The following FHOD3 variants were observed in gnomAD, a reference collection of about 807,000 sequenced individuals.
The protein encoded by FHOD3 is formin homology 2 domain containing 3.
Under a neutral mutation model 173.0 loss-of-function variants are expected in FHOD3, and 90 were observed. That is an observed-to-expected ratio of 0.52 (90% CI 0.44 to 0.62). The LOEUF is 0.62. Ranked by LOEUF, FHOD3 falls within the 20% of genes least tolerant of loss-of-function variation. FHOD3 has a pLI of 0.00. For synonymous variants in FHOD3, 828 were observed against 823.0 expected, an observed-to-expected ratio of 1.01 and a Z score of -0.10; for missense variants, 1,945 against 2,034.7, an observed-to-expected ratio of 0.96 and a Z score of 0.85.
chr18:36,720,719 TC>T (rs1268546988), intron 19 of FHOD3, among the ~76,000 whole-genome samples: 4 of 133,372 alleles, frequency 3.0e-5, no homozygotes, highest in East Asian at 2.1e-4. Flanking sequence ...CTCCTCCTTC[TC>T]TTCCTCCTTC....
At chr18:36,440,042 T>G (rs2051045967) in intron 3 of FHOD3, among the ~76,000 whole-genome samples, 1 of 152,158 alleles carries the variant, frequency 6.6e-6, no homozygotes, top group Non-Finnish European at 1.5e-5. Flanking sequence ...CTTAGCCCAG[T>G]CAAGTTGACA....
chr18:36,607,051 T>A (rs550871863), intron 8 of FHOD3, among the ~76,000 whole-genome samples: 2 of 152,108 alleles, frequency 1.3e-5, no homozygotes, highest in African/African-American at 4.8e-5. Flanking sequence ...GCGGGCTGGA[T>A]TGCACACTGG....
intron 5 of FHOD3, among the ~76,000 whole-genome samples, chr18:36,553,147 C>T (rs1425803263): frequency 6.6e-6 from 1 of 152,180 alleles, no homozygotes; most frequent in African/African-American, 2.4e-5. Context: ...GTTGAACCAG[C>T]CTTGCATCCC....
At chr18:36,625,231 C>T (rs1793656494) in intron 9 of FHOD3, among the ~76,000 whole-genome samples, 1 of 152,082 alleles carries the variant, frequency 6.6e-6, no homozygotes, top group Admixed American at 6.6e-5. Flanking sequence ...AGGTCCTATC[C>T]GATTACAAAA....
chr18:36,716,805 G>A (rs889765917), intron 18 of FHOD3, among the ~76,000 whole-genome samples: 1 of 152,202 alleles, frequency 6.6e-6, no homozygotes, highest in African/African-American at 2.4e-5. Flanking sequence ...AGTGGGCAAA[G>A]CAACTCTTAT....
intron 3 of FHOD3, among the ~76,000 whole-genome samples, chr18:36,460,264 C>G (rs1207626869): frequency 6.6e-6 from 1 of 152,134 alleles, no homozygotes; most frequent in Non-Finnish European, 1.5e-5. Context: ...ATACGCAGCC[C>G]AAAATCAAGG....
chr18:36,327,675 C>T (rs188992189), intron 1 of FHOD3, among the ~76,000 whole-genome samples: 1 of 152,348 alleles, frequency 6.6e-6, no homozygotes, highest in Non-Finnish European at 1.5e-5. Flanking sequence ...CGGTTTGAAC[C>T]TCCTGGAAGG....
intron 5 of FHOD3, among the ~76,000 whole-genome samples, chr18:36,540,008 T>A (rs2057143384): frequency 6.6e-6 from 1 of 152,194 alleles, no homozygotes; most frequent in South Asian, 2.1e-4. Flanking sequence ...TGTATTTAAA[T>A]CATGATCCCT....
chr18:36,609,850 A>G (rs1325202361), intron 8 of FHOD3, among the ~76,000 whole-genome samples: 1 of 152,068 alleles, frequency 6.6e-6, no homozygotes, highest in Non-Finnish European at 1.5e-5. Flanking sequence ...GCCTCAAGTG[A>G]TCCACCTGCC....
intron 14 of FHOD3, among the ~76,000 whole-genome samples, chr18:36,665,581 T>TG (rs937465380): frequency 4.3e-5 from 6 of 140,374 alleles, no homozygotes; most frequent in East Asian, 2.2e-4. Context: ...ATTGGCCTGG[T>TG]GGGGGGGCAG....
chr18:36,744,258 T>C (rs1276768960), intron 23 of FHOD3, 65 bp downstream of exon 23: 74 of 1,539,404 alleles, frequency 4.8e-5, no homozygotes, highest in African/African-American at 6.9e-5. Flanking sequence ...TTATCGGTCA[T>C]CCTCGAGGAA....
chr18:36,648,811 A>G (rs2035856445), intron 10 of FHOD3, among the ~76,000 whole-genome samples: 1 of 152,166 alleles, frequency 6.6e-6, no homozygotes, highest in South Asian at 2.1e-4. Flanking sequence ...GCATACCAAA[A>G]CCATAGGTCC....
At chr18:36,688,033 A>T (rs1481133004) in intron 16 of FHOD3, among the ~76,000 whole-genome samples, 1 of 152,266 alleles carries the variant, frequency 6.6e-6, no homozygotes, top group African/African-American at 2.4e-5. Context: ...AGAGCAGCTC[A>T]AAACTCTGGT....
intron 20 of FHOD3, among the ~76,000 whole-genome samples, chr18:36,737,972 C>T (rs554616756): frequency 1.3e-5 from 2 of 152,322 alleles, no homozygotes; most frequent in Admixed American, 6.5e-5. Flanking sequence ...CAACAAAACT[C>T]TTGTGTTGCC....
chr18:36,661,634 T>G (rs1276759060), intron 14 of FHOD3, among the ~76,000 whole-genome samples: 1 of 152,174 alleles, frequency 6.6e-6, no homozygotes, highest in Non-Finnish European at 1.5e-5. Flanking sequence ...CTCGGCCCAC[T>G]TTGGAAATGC....
At chr18:36,482,822 A>AAC (rs1202251220) in intron 3 of FHOD3, among the ~76,000 whole-genome samples, 3,422 of 92,308 alleles carry the variant, frequency 0.037, 77 homozygotes, top group African/African-American at 0.047. Flanking sequence ...CCGGTGAACA[A>AAC]ACACACACAC....
chr18:36,593,170 A>G (rs1213062954), intron 6 of FHOD3, among the ~76,000 whole-genome samples: 1 of 152,204 alleles, frequency 6.6e-6, no homozygotes, highest in Non-Finnish European at 1.5e-5. Flanking sequence ...GAGTTGAGCA[A>G]AAATGGGCAG....
At chr18:36,426,200 G>A (rs753042890) in intron 3 of FHOD3, among the ~76,000 whole-genome samples, 41 of 152,068 alleles carry the variant, frequency 2.7e-4, no homozygotes, top group Non-Finnish European at 5.6e-4. Flanking sequence ...CACCGCGCCC[G>A]GCCTTCACAC....
intron 3 of FHOD3, among the ~76,000 whole-genome samples, chr18:36,490,950 C>T (rs1036961992): frequency 7.9e-5 from 12 of 152,296 alleles, no homozygotes; most frequent in Middle Eastern, 3.4e-3. Flanking sequence ...TATGGAATCC[C>T]GGGTTAACTC....
Sources: allele counts gnomAD v4.1 joint callset (sites outside exome capture counted in the v4.1 genomes callset), GRCh38; gene constraint gnomAD v4.1.1; transcripts MANE v1.5; gene names NCBI Gene and HGNC (gene_info 2026-07-23, HGNC 2026-07-21).